Variants in CLGN observed in about 807,000 individuals in gnomAD.
The protein encoded by CLGN is testis tissue sperm-binding protein Li 79P.
Under a neutral mutation model 79.1 loss-of-function variants are expected in CLGN, and 62 were observed. That is an observed-to-expected ratio of 0.78 (90% CI 0.64 to 0.97). CLGN has a LOEUF of 0.97. CLGN is among the 50% of genes least tolerant of loss of function. The pLI is 0.00. For synonymous variants in CLGN, 225 were observed against 224.7 expected, an observed-to-expected ratio of 1.00 and a Z score of -0.01; for missense variants, 647 against 715.5, an observed-to-expected ratio of 0.90 and a Z score of 1.09.
At position 140,412,792 on chromosome 4, in the gene CLGN, T is replaced by C. The variant is rs1197639149; in HGVS notation, c.144+143A>G. 10 of 742,930 alleles carry C rather than the reference T, an allele frequency of 1.3e-5. No homozygotes were observed. The Admixed American group carries it at 1.7e-4, about 12-fold the overall frequency. The allele number at this position is 742,930 out of a possible 1,614,324, so 46.0% of individuals were successfully genotyped here. The stretch of plus-strand genomic sequence containing the variant: ...ATGGGCACTCTAAAAATTAAAGTAA[T>C]AAGACACTTAGAAAAAAAATCAATG... On this transcript the variant is annotated intron_variant, in intron 2 of 14. Transcript: ENST00000325617.
At chr4:140,424,596 G>C (rs1560750403) in intron 1 of CLGN, among the ~76,000 whole-genome samples, 1 of 152,156 alleles carries the variant, frequency 6.6e-6, no homozygotes, top group Non-Finnish European at 1.5e-5. Context: ...AGTACAGCAA[G>C]AATTTGTTTA....
At chr4:140,401,310 C>T (rs1014271279) in intron 6 of CLGN, among the ~76,000 whole-genome samples, 13 of 152,142 alleles carry the variant, frequency 8.5e-5, no homozygotes, top group African/African-American at 2.9e-4. Context: ...AACATATACT[C>T]CAATGGCCTC....
At chr4:140,416,106 G>A (rs1223812091) in intron 1 of CLGN, among the ~76,000 whole-genome samples, 11 of 59,906 alleles carry the variant, frequency 1.8e-4, no homozygotes, top group South Asian at 6.7e-4. Flanking sequence ...TGACTACTGG[G>A]TACATAACGA....
intron 4 of CLGN, among the ~76,000 whole-genome samples, chr4:140,406,990 T>A (rs1213877154): frequency 6.6e-6 from 1 of 152,204 alleles, no homozygotes; most frequent in African/African-American, 2.4e-5. Flanking sequence ...CACTTTTGAA[T>A]CACAAATGCT....
intron 2 of CLGN, 117 bp from the exon 3 acceptor site, chr4:140,410,743 G>A (rs1729195280): frequency 1.6e-6 from 1 of 633,648 alleles, no homozygotes; most frequent in Non-Finnish European, 2.8e-6. Context: ...CAGATATGAG[G>A]TGACAAACTC....
intron 1 of CLGN, among the ~76,000 whole-genome samples, chr4:140,422,133 T>C (rs1002939113): frequency 1.1e-4 from 17 of 152,200 alleles, no homozygotes; most frequent in African/African-American, 4.1e-4. Context: ...ATCCCATTGA[T>C]ATATATGTCT....
intron 4 of CLGN, among the ~76,000 whole-genome samples, chr4:140,409,539 T>C (rs573300354): frequency 2.0e-5 from 3 of 151,948 alleles, no homozygotes; most frequent in Non-Finnish European, 4.4e-5. Flanking sequence ...GATGAAACCA[T>C]AGAGACAGCA....
intron 10 of CLGN, 125 bp from the exon 11 acceptor site, chr4:140,394,166 A>G: frequency 1.6e-6 from 1 of 638,018 alleles, no homozygotes; most frequent in Non-Finnish European, 2.7e-6. Flanking sequence ...TTTAACTGAT[A>G]TTAATTCATT....
intron 8 of CLGN, among the ~76,000 whole-genome samples, chr4:140,397,184 C>T (rs1413054496): frequency 1.3e-5 from 2 of 151,804 alleles, no homozygotes; most frequent in African/African-American, 4.8e-5. Flanking sequence ...AATGGTTACA[C>T]TCCACTTCCG....
At chr4:140,404,712 T>A (rs879461586) in intron 5 of CLGN, among the ~76,000 whole-genome samples, 1 of 152,070 alleles carries the variant, frequency 6.6e-6, no homozygotes, top group African/African-American at 2.4e-5. Context: ...TGCAATGCAC[T>A]GGTGTGACCT....
At position 140,406,010 on chromosome 4, in the gene CLGN, T is replaced by G; in HGVS notation, c.351A>C (p.Ala117=). ...GDRGLVLKSR[A]KHHAISAVLA... ...ATACAGCAGATATTGCATGATGCTT[T>G]GCTCTAGATTTTAATACCAGTCCTC... The change falls in exon 5 of 15, where the codon GCA becomes GCC. Residue 117 remains alanine (A), a synonymous_variant. Transcript: ENST00000325617. 2 of 1,613,650 alleles carry G rather than the reference T, an allele frequency of 1.2e-6. No homozygotes were observed. The highest frequency in any genetic ancestry group is 2.2e-5 in the South Asian group (2 of 91,030).
At chr4:140,415,033 G>A (rs1470752819) in intron 1 of CLGN, among the ~76,000 whole-genome samples, 1 of 151,796 alleles carries the variant, frequency 6.6e-6, no homozygotes, top group East Asian at 1.9e-4. Context: ...AGAAGAGAGT[G>A]GGGGCCAATA....
chr4:140,411,884 C>G (rs897672969), intron 2 of CLGN, among the ~76,000 whole-genome samples: 1 of 152,078 alleles, frequency 6.6e-6, no homozygotes, highest in Non-Finnish European at 1.5e-5. Context: ...TTTATTTATA[C>G]TTCACCCTAT....
intron 1 of CLGN, among the ~76,000 whole-genome samples, chr4:140,422,885 G>A (rs1461247259): frequency 2.6e-5 from 4 of 152,138 alleles, no homozygotes. Context: ...CAAAATTGCT[G>A]GGACTACAGG....
At chr4:140,420,632 C>A (rs1729453094) in intron 1 of CLGN, among the ~76,000 whole-genome samples, 1 of 151,828 alleles carries the variant, frequency 6.6e-6, no homozygotes, top group Non-Finnish European at 1.5e-5. Context: ...AGTGCTGCAC[C>A]AGCTGACAAT....
intron 13 of CLGN, 99 bp from the exon 14 acceptor site, chr4:140,390,827 G>T: frequency 1.5e-6 from 1 of 653,230 alleles, no homozygotes. Flanking sequence ...TAAATTCCAA[G>T]ATTTATTCCA....
intron 8 of CLGN, among the ~76,000 whole-genome samples, chr4:140,396,876 T>TATATATATATACAC (rs1728889710): frequency 1.7e-5 from 1 of 58,636 alleles, no homozygotes; most frequent in East Asian, 3.9e-4. Context: ...TATATATACA[T>TATATATATATACAC]ATATATATAT....
intron 10 of CLGN, among the ~76,000 whole-genome samples, chr4:140,395,597 T>G (rs1031274294): frequency 2.0e-5 from 3 of 152,224 alleles, no homozygotes; most frequent in African/African-American, 7.2e-5. Flanking sequence ...GAGCATCAAC[T>G]GATAATTAGG....
chr4:140,395,780 T>G (rs979983254), intron 10 of CLGN, 39 bp downstream of exon 10: 23 of 1,352,680 alleles, frequency 1.7e-5, no homozygotes, highest in Non-Finnish European at 2.1e-5. Flanking sequence ...ATCACAACAT[T>G]TTTAACTTCA....
Sources: allele counts gnomAD v4.1 joint callset (sites outside exome capture counted in the v4.1 genomes callset), GRCh38; gene constraint gnomAD v4.1.1; transcripts MANE v1.5; gene names NCBI Gene and HGNC (gene_info 2026-07-23, HGNC 2026-07-21).